The following LMX1B variants were observed in gnomAD, a reference collection of about 807,000 sequenced individuals.
LMX1B encodes LIM homeobox transcription factor 1 beta, also known as LIM homeobox transcription factor 1-beta.
A neutral mutation model predicts 51.4 loss-of-function variants in LMX1B; 12 were observed. That is an observed-to-expected ratio of 0.23 (90% CI 0.15 to 0.38). The LOEUF (loss-of-function observed/expected upper bound fraction) is 0.38. Among genes scored for constraint, LMX1B ranks in the 10% least tolerant of loss-of-function variants. The pLI, the probability that LMX1B is intolerant of heterozygous loss-of-function variation, is 1.00. For missense variants in LMX1B, 445 were observed against 571.1 expected, an observed-to-expected ratio of 0.78 and a Z score of 2.25; for synonymous variants, 237 against 235.4, an observed-to-expected ratio of 1.01 and a Z score of -0.06.
chr9:126,695,737 G>A lies in LMX1B; in HGVS notation c.887-102G>A. On this transcript the variant is annotated intron_variant, in intron 6 of 7. Transcript: ENST00000373474. The surrounding 1 kb of genome is among the most constrained non-coding windows in gnomAD (Gnocchi z 5.2). ...TGTCTGGACAGCTTCAGCCAGAGTG[G>A]GGTGCCTGGGGAGTCCCAAGGAGAT... 1 of 1,345,440 alleles carries A rather than the reference G, an allele frequency of 7.4e-7. No homozygotes were observed. The highest frequency in any genetic ancestry group is 1.0e-6 in the Non-Finnish European group (1 of 957,838). 83.3% of individuals were successfully genotyped at this position (1,345,440 alleles called of 1,614,324 possible).
chr9:126,627,141 G>A (rs1835548984), intron 2 of LMX1B, among the ~76,000 whole-genome samples: 1 of 152,164 alleles, frequency 6.6e-6, no homozygotes, highest in Admixed American at 6.5e-5. Context: ...GATGTGCCTG[G>A]TCACCAGAGT....
chr9:126,615,498 G>T lies in LMX1B; in HGVS notation c.255G>T (p.Ala85=), dbSNP rs763085114. The T allele has an allele frequency of 6.2e-7, 1 of 1,611,806 alleles. No individual in the cohort carries two copies. Among genetic ancestry groups the T allele is most frequent in the South Asian group, 1.1e-5 (1 of 90,824 alleles). ...ACGAGGAGTGTTTGCAGTGCGCGGC[G>T]TGTCAGCAAGCCCTCACCACCAGCT... The part of the protein sequence containing the change: ...SWHEECLQCA[A]CQQALTTSCY... The change falls in exon 2 of 8, where the codon GCG becomes GCT. Residue 85 remains alanine, a synonymous_variant. Transcript: ENST00000373474. The surrounding 1 kb of genome is among the most constrained non-coding windows in gnomAD (Gnocchi z 6.0).
chr9:126,643,623 A>C (rs1835847235), intron 2 of LMX1B, among the ~76,000 whole-genome samples: 1 of 152,062 alleles, frequency 6.6e-6, no homozygotes, highest in Non-Finnish European at 1.5e-5. Flanking sequence ...TTTTGGGCAA[A>C]AGGGGATGTC....
chr9:126,665,740 C>G (rs1310620714), intron 2 of LMX1B, among the ~76,000 whole-genome samples: 1 of 152,242 alleles, frequency 6.6e-6, no homozygotes, highest in Admixed American at 6.5e-5. Context: ...AGAGTAGGCA[C>G]CAGCTGCCCC....
chr9:126,682,083 C>CTTTTTTT (rs71377953), intron 2 of LMX1B, among the ~76,000 whole-genome samples: 6 of 53,378 alleles, frequency 1.1e-4, no homozygotes, highest in South Asian at 9.4e-4. Flanking sequence ...TCCCCAGGGT[C>CTTTTTTT]TTTTTTTTTT....
chr9:126,674,897 C>T (rs1181425099), intron 2 of LMX1B, among the ~76,000 whole-genome samples: 2 of 152,200 alleles, frequency 1.3e-5, no homozygotes, highest in African/African-American at 4.8e-5. Flanking sequence ...AAGCCACTCC[C>T]TACTTAAAAC....
At chr9:126,663,670 A>G (rs2118928204) in intron 2 of LMX1B, among the ~76,000 whole-genome samples, 1 of 152,358 alleles carries the variant, frequency 6.6e-6, no homozygotes, top group Non-Finnish European at 1.5e-5. Context: ...GCCTGCCTCC[A>G]TTGTTATCAC....
chr9:126,696,681 C>T lies in LMX1B; in HGVS notation c.*230C>T, dbSNP rs531744651. On this transcript the variant is annotated 3_prime_UTR_variant, in exon 8 of 8. Transcript: ENST00000373474. ...TCCTGCCCACAGAGACCTTGTCATC[C>T]CCAGGGACCCAGAGCTCTCGGACGG... 5.4e-5 allele frequency: 31 copies of T among 577,156 alleles called. No individual in the cohort carries two copies. In the East Asian group the frequency reaches 7.8e-4, roughly 15 times the overall value. 35.8% of individuals were successfully genotyped at this position (577,156 alleles called of 1,614,324 possible).
intron 2 of LMX1B, among the ~76,000 whole-genome samples, chr9:126,686,536 T>C (rs767444762): frequency 1.1e-4 from 17 of 152,300 alleles, no homozygotes; most frequent in Middle Eastern, 3.4e-3. Flanking sequence ...AAAATGTGTT[T>C]GGAGGTAGGG....
intron 2 of LMX1B, among the ~76,000 whole-genome samples, chr9:126,640,200 C>T (rs747886899): frequency 1.3e-5 from 2 of 152,162 alleles, no homozygotes; most frequent in East Asian, 1.9e-4. Flanking sequence ...GCTTCCAGAG[C>T]GGGGACCTCT....
chr9:126,654,567 G>A (rs1255603192), intron 2 of LMX1B, among the ~76,000 whole-genome samples: 1 of 152,200 alleles, frequency 6.6e-6, no homozygotes, highest in Admixed American at 6.5e-5. Context: ...GCAGGTAGAA[G>A]GAGAGACTGT....
At chr9:126,647,111 C>A (rs76781494) in intron 2 of LMX1B, among the ~76,000 whole-genome samples, 2,492 of 152,034 alleles carry the variant, frequency 0.016, 83 homozygotes, top group African/African-American at 0.056. Context: ...GACAGGCTGG[C>A]GGATCGCTTG....
At chr9:126,652,714 C>T (rs1036867721) in intron 2 of LMX1B, among the ~76,000 whole-genome samples, 2 of 152,214 alleles carry the variant, frequency 1.3e-5, no homozygotes, top group African/African-American at 4.8e-5. Flanking sequence ...TTGGCGTCCA[C>T]ATGATGGGGG....
intron 2 of LMX1B, among the ~76,000 whole-genome samples, chr9:126,676,095 C>T (rs1474178711): frequency 6.6e-6 from 1 of 152,088 alleles, no homozygotes; most frequent in Non-Finnish European, 1.5e-5. Context: ...TAAGACCCTG[C>T]ACACTCAGGC....
chr9:126,623,053 G>A (rs1052268403), intron 2 of LMX1B, among the ~76,000 whole-genome samples: 10 of 152,354 alleles, frequency 6.6e-5, no homozygotes, highest in African/African-American at 2.2e-4. Context: ...GAAATGAGCC[G>A]AAGGCAGCCC....
chr9:126,696,852 G>A lies in LMX1B; in HGVS notation c.*401G>A, dbSNP rs548738973. The A allele has an allele frequency of 3.8e-5, 11 of 286,474 alleles. No homozygotes were observed. Among genetic ancestry groups the A allele is most frequent in the South Asian group, 3.4e-4 (9 of 26,258 alleles). 17.7% of individuals were successfully genotyped at this position (286,474 alleles called of 1,614,324 possible). ...CCCCAGGACAATGGTGTCATGAGGCGGTGACCTGAGAAGCGTGTGTACCTG... is the reference window on the plus strand; with the variant it reads ...CCCCAGGACAATGGTGTCATGAGGCAGTGACCTGAGAAGCGTGTGTACCTG... On this transcript the variant is annotated 3_prime_UTR_variant, in exon 8 of 8. Transcript: ENST00000373474.
chr9:126,651,482 G>C (rs1463978570), intron 2 of LMX1B, among the ~76,000 whole-genome samples: 4 of 152,102 alleles, frequency 2.6e-5, no homozygotes, highest in Non-Finnish European at 4.4e-5. Flanking sequence ...CCTGTTGGGG[G>C]TCTTTGTGAA....
At chr9:126,632,610 G>T (rs1302531065) in intron 2 of LMX1B, among the ~76,000 whole-genome samples, 1 of 152,216 alleles carries the variant, frequency 6.6e-6, no homozygotes, top group South Asian at 2.1e-4. Flanking sequence ...TTAGACCGGC[G>T]GGAGGAGGCT....
At chr9:126,614,782 G>A (rs889829876) in intron 1 of LMX1B, among the ~76,000 whole-genome samples, 194 bp downstream of exon 1, 1 of 152,170 alleles carries the variant, frequency 6.6e-6, no homozygotes, top group East Asian at 1.9e-4. Context: ...TGAGGGGACA[G>A]GACAGCTCCA....
Sources: allele counts gnomAD v4.1 joint callset (sites outside exome capture counted in the v4.1 genomes callset), GRCh38; gene constraint gnomAD v4.1.1; non-coding constraint Gnocchi (gnomAD v3.1); transcripts MANE v1.5; gene names NCBI Gene and HGNC (gene_info 2026-07-23, HGNC 2026-07-21).